The following USP22 variants were observed in gnomAD, a reference collection of about 807,000 sequenced individuals.
USP22 encodes the protein ubiquitin specific peptidase 22.
In USP22, 22 loss-of-function variants were observed where a neutral mutation model predicts 68.1. The observed-to-expected ratio is 0.32, with a 90% CI of 0.23 to 0.46. The LOEUF (loss-of-function observed/expected upper bound fraction) is 0.46, where lower values mean the gene tolerates loss of function less well. Among genes scored for constraint, USP22 ranks in the 20% least tolerant of loss-of-function variants. The pLI is 1.00. For missense variants in USP22, 433 were observed against 695.8 expected (o/e 0.62, Z 4.25); for synonymous variants, 279 against 274.2 (o/e 1.02, Z -0.17).
intron 10 of USP22, chr17:21,006,568 G>C (rs987142456): frequency 1.3e-5 from 2 of 153,562 alleles, no homozygotes; most frequent in Non-Finnish European, 2.9e-5. Context: ...GCAGTGGCGC[G>C]ATCTTGGCTC....
At position 21,001,990 on chromosome 17, in the gene USP22, C is replaced by A. The variant is rs535054984; in HGVS notation, c.*1041G>T. 6.6e-6 allele frequency: 1 copy of A among 152,272 alleles called. No individual in the cohort carries two copies. Among genetic ancestry groups the A allele is most frequent in the Admixed American group, 6.5e-5 (1 of 15,286 alleles). 9.4% of individuals were successfully genotyped at this position (152,272 alleles called of 1,614,324 possible). A position where few individuals can be genotyped will look rare whatever the true frequency, so the allele number is the denominator to read the frequency against. On this transcript the variant is annotated 3_prime_UTR_variant, in exon 13 of 13. Coordinates refer to ENST00000261497, the MANE Select transcript of USP22 (RefSeq NM_015276.2). ...GACAAGATGCAGGCTCCACCAGAGG[C>A]CACTCCAGCTTCGCGACCAACACCC...
chr17:21,019,092 C>A lies in USP22; in HGVS notation c.512G>T (p.Cys171Phe). Residue 171 changes from cysteine to phenylalanine, a missense_variant, in exon 4 of 13, where the codon TGC (cysteine) becomes TTC (phenylalanine). By Grantham distance (205) the Cys-to-Phe change is radical. Around this residue, in one of 4 missense-constraint regions of USP22, gnomAD observed 144 missense variants for 237.2 expected, o/e 0.61. Transcript: ENST00000261497. ...NPKRRKITSN[C>F]TIGLRGLINL... is the part of the protein sequence containing the mutation. ...CGACACGCTCCACCCACCTATGGTG[C>A]AGTTCGAGGTGATCTTTCTCCTTTT... 2 of 1,614,032 alleles carry A rather than the reference C, an allele frequency of 1.2e-6. No homozygotes were observed. Among genetic ancestry groups the A allele is most frequent in the Non-Finnish European group, 1.7e-6 (2 of 1,179,908 alleles).
intron 1 of USP22, among the ~76,000 whole-genome samples, chr17:21,035,659 GAAGA>G (rs1213128209): frequency 1.3e-5 from 2 of 152,158 alleles, no homozygotes; most frequent in Non-Finnish European, 2.9e-5. Context: ...AGAAAGGAAT[GAAGA>G]GAGAACCTAC....
In USP22 at chr17:21,007,939, A is replaced by G. The variant is rs779506404; in HGVS notation, c.1161T>C (p.His387=). The G allele has an allele frequency of 3.1e-6, 5 of 1,614,172 alleles. No individual in the cohort carries two copies. The highest frequency in any genetic ancestry group is 4.2e-6 in the Non-Finnish European group (5 of 1,180,040). The change falls in exon 9 of 13, where the codon CAT becomes CAC. Residue 387 remains histidine (H), a synonymous_variant. Coordinates refer to ENST00000261497, the MANE Select transcript of USP22 (RefSeq NM_015276.2). ...SSAKIKCSGC[H]SYQESTKQLT... is the part of the protein sequence containing the mutation. ...GCTGCTTTGTGGACTCCTGGTAGCTATGGCAACCGCTGCACTTGATCTTGG... is the reference window on the plus strand; with the variant it reads ...GCTGCTTTGTGGACTCCTGGTAGCTGTGGCAACCGCTGCACTTGATCTTGG...
At chr17:21,010,478 A>T (rs149614563) in intron 8 of USP22, among the ~76,000 whole-genome samples, 13 of 152,112 alleles carry the variant, frequency 8.5e-5, no homozygotes, top group Non-Finnish European at 1.8e-4. Context: ...CGAGTTCGAG[A>T]CTAGCCTGGC....
chr17:21,019,668 C>CAA (rs3047599), intron 3 of USP22, among the ~76,000 whole-genome samples: 113,402 of 152,052 alleles, frequency 0.75, 42,766 homozygotes, highest in South Asian at 0.82. Flanking sequence ...ACAAAATATT[C>CAA]AGAGAGTGGT....
rs1263331997 is a variant in USP22 at position 21,023,329 on chromosome 17, CTAAAA to C, written c.305-2108_305-2104del. ...CAAACCTGCACATGTACCGTTGAAA[CTAAAA>C]TAAAAGTTAAAATATTTTTTAAAAA... On this transcript the variant is annotated intron_variant, in intron 2 of 12. Transcript: ENST00000261497. Among the ~76,000 whole-genome samples, 4 of 152,184 alleles carry C rather than the reference CTAAAA, an allele frequency of 2.6e-5. No homozygotes were observed. The South Asian group carries it at 6.2e-4, about 24-fold the overall frequency.
At position 21,042,821 on chromosome 17, in the gene USP22, T is replaced by C. The variant is rs757638567; in HGVS notation, c.15A>G (p.Pro5=). The stretch of plus-strand genomic sequence containing the variant: ...CGTCCATGGCCTCGCCCTCGGGCTC[T>C]GGCCGGGACACCATGGGGGGCAAGG... MVSR[P]EPEGEAMDAE... The change falls in exon 1 of 13, where the codon CCA becomes CCG. Residue 5 remains proline, a synonymous_variant. Coordinates refer to ENST00000261497, the MANE Select transcript of USP22 (RefSeq NM_015276.2). The C allele has an allele frequency of 7.8e-6, 11 of 1,403,590 alleles. No individual in the cohort carries two copies. The highest frequency in any genetic ancestry group is 2.6e-5 in the Admixed American group (1 of 38,298). The allele number at this position is 1,403,590 out of a possible 1,614,324, so 86.9% of individuals were successfully genotyped here.
rs1972459915 is a variant in USP22, at chr17:21,042,861, G to C, written c.-26C>G. ...GGGGGGCAAGGCCCGGCCGCGCGCG[G>C]GGGGCGGCGGCGAGGGAGGCGAGGA... is the stretch of plus-strand genomic sequence containing the variant. On this transcript the variant is annotated 5_prime_UTR_variant, in exon 1 of 13. Transcript: ENST00000261497. The C allele has an allele frequency of 2.4e-6, 3 of 1,240,624 alleles. No individual in the cohort carries two copies. The highest frequency in any genetic ancestry group is 3.2e-5 in the East Asian group (1 of 30,958). The allele number at this position is 1,240,624 out of a possible 1,614,324, so 76.9% of individuals were successfully genotyped here. A position where few individuals can be genotyped will look rare whatever the true frequency, so the allele number is the denominator to read the frequency against.
rs765276466 is a variant in USP22, at chr17:21,042,795, G to C, written c.41C>G (p.Ala14Gly). The change falls in exon 1 of 13, where the codon GCC becomes GGC. Residue 14 changes from alanine (A) to glycine (G), a missense_variant. By Grantham distance (60) the Ala-to-Gly change is moderately conservative. Coordinates refer to ENST00000261497, the MANE Select transcript of USP22 (RefSeq NM_015276.2). ...RPEPEGEAMD[A>G]ELAVAPPGCS... ...GCCCGGCGGCGCTACCGCCAGCTCGGCGTCCATGGCCTCGCCCTCGGGCTC... is the reference window on the plus strand; with the variant it reads ...GCCCGGCGGCGCTACCGCCAGCTCGCCGTCCATGGCCTCGCCCTCGGGCTC... 4.5e-5 allele frequency: 66 copies of C among 1,480,012 alleles called. No individual in the cohort carries two copies. The highest frequency in any genetic ancestry group is 5.8e-5 in the Non-Finnish European group (65 of 1,116,280). 91.7% of individuals were successfully genotyped at this position (1,480,012 alleles called of 1,614,324 possible).
At chr17:21,024,659 C>T (rs185340451) in intron 2 of USP22, among the ~76,000 whole-genome samples, 1 of 152,170 alleles carries the variant, frequency 6.6e-6, no homozygotes, top group African/African-American at 2.4e-5. Flanking sequence ...ACAAAACCAT[C>T]AGCAACAAAA....
At chr17:21,027,292 C>CAAAAAAAAAAAAAAAAAAAAAAAAAA (rs71357459) in intron 2 of USP22, among the ~76,000 whole-genome samples, 19 of 72,270 alleles carry the variant, frequency 2.6e-4, no homozygotes, top group African/African-American at 3.5e-4. Context: ...ACCCTGTCTC[C>CAAAAAAAAAAAAAAAAAAAAAAAAAA]AAAAAAAAAA....
At chr17:21,042,512 AAAGAG>A (rs1972451883) in intron 1 of USP22, among the ~76,000 whole-genome samples, 148 bp downstream of exon 1, 1 of 150,984 alleles carries the variant, frequency 6.6e-6, no homozygotes, top group Non-Finnish European at 1.5e-5. Context: ...GGGAAGGGGT[AAAGAG>A]AAGAGAGGGC....
intron 1 of USP22, among the ~76,000 whole-genome samples, chr17:21,041,637 C>T (rs1182069543): frequency 1.3e-5 from 2 of 152,124 alleles, no homozygotes; most frequent in Non-Finnish European, 2.9e-5. Flanking sequence ...CTTAACATAC[C>T]CTACAATCTC....
chr17:21,037,296 C>A (rs1238333230), intron 1 of USP22, among the ~76,000 whole-genome samples: 2 of 152,218 alleles, frequency 1.3e-5, no homozygotes, highest in Non-Finnish European at 2.9e-5. Flanking sequence ...GAACAGAACT[C>A]CCCACCCCGG....
chr17:21,023,821 C>A lies in USP22; in HGVS notation c.305-2595G>T, dbSNP rs375761761. Among the ~76,000 whole-genome samples the A allele has an allele frequency of 5.9e-5, 9 of 152,258 alleles. No individual in the cohort carries two copies. The East Asian group carries it at 1.7e-3, about 29-fold the overall frequency. On this transcript the variant is annotated intron_variant, in intron 2 of 12. Transcript: ENST00000261497. ...CATCAATTACTCCACACCTCTGAGC[C>A]TCAGTTTCCCCTGCGGTAAGATGCT...
chr17:21,033,500 G>A (rs1034912693), intron 1 of USP22, among the ~76,000 whole-genome samples: 1 of 152,074 alleles, frequency 6.6e-6, no homozygotes. Flanking sequence ...AGCAAGAGGG[G>A]CAGAGCCCTT....
chr17:21,020,249 A>AAAAAAAAAAAAAAAAAAAAAC (rs1374902005), intron 3 of USP22, among the ~76,000 whole-genome samples: 1 of 30,860 alleles, frequency 3.2e-5, no homozygotes, highest in African/African-American at 1.3e-4. Flanking sequence ...AAAACCAAAA[A>AAAAAAAAAAAAAAAAAAAAAC]AAAAAAAAAA....
intron 1 of USP22, among the ~76,000 whole-genome samples, chr17:21,031,652 ACC>A (rs1972293142): frequency 7.0e-6 from 1 of 142,634 alleles, no homozygotes; most frequent in Non-Finnish European, 1.5e-5. Flanking sequence ...CTACTACACA[ACC>A]TAGGACTGTG....
Sources: allele counts gnomAD v4.1 joint callset (sites outside exome capture counted in the v4.1 genomes callset), GRCh38; gene constraint gnomAD v4.1.1; regional missense constraint gnomAD v4.1.1; transcripts MANE v1.5; gene names NCBI Gene and HGNC (gene_info 2026-07-23, HGNC 2026-07-21).